The following GPR158 variants were observed in gnomAD, a reference collection of about 807,000 sequenced individuals.
GPR158 encodes G protein-coupled receptor 158.
In GPR158, 30 loss-of-function variants were observed where a neutral mutation model predicts 78.2. The observed-to-expected ratio is 0.38, with a 90% CI of 0.29 to 0.52. The LOEUF is 0.52. Among genes scored for constraint, GPR158 ranks in the 20% least tolerant of loss-of-function variants. The pLI is 0.83. For missense variants in GPR158, 1,463 were observed against 1,523.5 expected, an observed-to-expected ratio of 0.96 and a Z score of 0.66; for synonymous variants, 581 against 591.1, an observed-to-expected ratio of 0.98 and a Z score of 0.25.
intron 1 of GPR158, among the ~76,000 whole-genome samples, chr10:25,210,049 C>T (rs369170674): frequency 6.6e-6 from 1 of 152,088 alleles, no homozygotes; most frequent in African/African-American, 2.4e-5. Flanking sequence ...ACTTAAAAGT[C>T]GTGAAATTAT....
intron 4 of GPR158, among the ~76,000 whole-genome samples, chr10:25,465,272 A>G (rs1835406731): frequency 2.0e-5 from 3 of 152,194 alleles, no homozygotes; most frequent in African/African-American, 4.8e-5. Context: ...ATTTCTGTAT[A>G]CATTTTGTAT....
chr10:25,256,510 T>C (rs1213185760), intron 2 of GPR158, among the ~76,000 whole-genome samples: 1 of 151,774 alleles, frequency 6.6e-6, no homozygotes, highest in African/African-American at 2.4e-5. Context: ...TTTTTTTTAA[T>C]TAGCTGAGTA....
intron 2 of GPR158, among the ~76,000 whole-genome samples, chr10:25,338,508 AC>A (rs1855254437): frequency 7.7e-6 from 1 of 130,380 alleles, no homozygotes; most frequent in Non-Finnish European, 1.7e-5. Context: ...TATATATATT[AC>A]GTATAATATA....
In GPR158 at chr10:25,547,522, G is replaced by A. The variant is rs147505087; in HGVS notation, c.1405-3454G>A. 7.9e-5 allele frequency among the ~76,000 whole-genome samples: 12 copies of A among 152,102 alleles called. No homozygotes were observed. The East Asian group carries it at 1.9e-3, about 24-fold the overall frequency. ...AACACTTAAGCCTGTTCCTCCTTTCGTTCTCGCTCACTTGTCAGCCCTTCC... is the reference window on the plus strand; with the variant it reads ...AACACTTAAGCCTGTTCCTCCTTTCATTCTCGCTCACTTGTCAGCCCTTCC... On this transcript the variant is annotated intron_variant, in intron 5 of 10. Transcript: ENST00000376351.
At chr10:25,537,033 G>A (rs1836511058) in intron 5 of GPR158, among the ~76,000 whole-genome samples, 1 of 152,204 alleles carries the variant, frequency 6.6e-6, no homozygotes, top group Non-Finnish European at 1.5e-5. Context: ...ACCACTTCCA[G>A]GCTAAACTCC....
chr10:25,436,212 A>G (rs1834995825), intron 4 of GPR158, among the ~76,000 whole-genome samples: 1 of 152,232 alleles, frequency 6.6e-6, no homozygotes, highest in South Asian at 2.1e-4. Context: ...AGACATGTGT[A>G]TACTAAAGCA....
intron 1 of GPR158, among the ~76,000 whole-genome samples, chr10:25,201,846 C>T (rs556148471): frequency 1.3e-5 from 2 of 152,038 alleles, no homozygotes; most frequent in African/African-American, 4.8e-5. Context: ...GATAGATGAG[C>T]TTCTTGATAT....
At chr10:25,241,475 C>A (rs958371590) in intron 2 of GPR158, among the ~76,000 whole-genome samples, 1 of 149,952 alleles carries the variant, frequency 6.7e-6, no homozygotes, top group Non-Finnish European at 1.5e-5. Flanking sequence ...GGCTGGAGCA[C>A]AGTGGTGTGA....
chr10:25,406,522 AAGCTGGGAATAGCC>A (rs1237030953), intron 3 of GPR158, among the ~76,000 whole-genome samples: 1 of 152,176 alleles, frequency 6.6e-6, no homozygotes, highest in African/African-American at 2.4e-5. Context: ...TTCAAGCAAA[AAGCTGGGAATAGCC>A]AGCTGGGAAA....
chr10:25,583,119 G>A (rs921741017), intron 7 of GPR158, among the ~76,000 whole-genome samples: 2 of 152,122 alleles, frequency 1.3e-5, no homozygotes, highest in African/African-American at 4.8e-5. Flanking sequence ...ATATCCTATA[G>A]CCCATCCCGG....
At chr10:25,211,457 G>C (rs1853129398) in intron 1 of GPR158, among the ~76,000 whole-genome samples, 1 of 152,176 alleles carries the variant, frequency 6.6e-6, no homozygotes, top group South Asian at 2.1e-4. Context: ...GCCTACTCGT[G>C]CACAGGAAAA....
chr10:25,244,200 C>A (rs1853660016), intron 2 of GPR158: 3 of 152,000 alleles, frequency 2.0e-5, no homozygotes, highest in Non-Finnish European at 4.4e-5. Context: ...AGTAAATTAC[C>A]CCACTTTGCT....
At chr10:25,379,345 T>C (rs1182575780) in intron 2 of GPR158, among the ~76,000 whole-genome samples, 1 of 152,172 alleles carries the variant, frequency 6.6e-6, no homozygotes, top group Non-Finnish European at 1.5e-5. Context: ...CTATCTCTGA[T>C]AAGTAACTTG....
chr10:25,461,225 G>A (rs1452116708), intron 4 of GPR158, among the ~76,000 whole-genome samples: 1 of 152,160 alleles, frequency 6.6e-6, no homozygotes, highest in African/African-American at 2.4e-5. Context: ...TAATAAGAAA[G>A]ACATAGTGGA....
At chr10:25,295,772 G>A (rs944555069) in intron 2 of GPR158, among the ~76,000 whole-genome samples, 24 of 152,178 alleles carry the variant, frequency 1.6e-4, no homozygotes, top group Non-Finnish European at 3.2e-4. Flanking sequence ...TGGTCTACTG[G>A]GATCTTTTTC....
At chr10:25,429,195 G>C (rs1040511224) in intron 4 of GPR158, among the ~76,000 whole-genome samples, 1 of 152,046 alleles carries the variant, frequency 6.6e-6, no homozygotes, top group Non-Finnish European at 1.5e-5. Context: ...AGTTTGAAAA[G>C]TATTGTCACA....
intron 2 of GPR158, among the ~76,000 whole-genome samples, chr10:25,362,625 G>C (rs1855657207): frequency 6.6e-6 from 1 of 151,702 alleles, no homozygotes; most frequent in Non-Finnish European, 1.5e-5. Context: ...ATTTCTTTCA[G>C]CAAAGTTTTG....
rs536020643 is a variant in GPR158 at position 25,215,985 on chromosome 10, A to G, written c.903-5067A>G. Among the ~76,000 whole-genome samples, 4 of 152,310 alleles carry G rather than the reference A, an allele frequency of 2.6e-5. No homozygotes were observed. In the South Asian group the frequency reaches 8.3e-4, roughly 32 times the overall value. ...AGGTGACGGTGCTGTCAAACTTTCT[A>G]CCTACTATATAACAAAAGTCCCTTT... On this transcript the variant is annotated intron_variant, in intron 1 of 10. Transcript: ENST00000376351.
At chr10:25,240,469 A>T (rs905604948) in intron 2 of GPR158, among the ~76,000 whole-genome samples, 1 of 152,210 alleles carries the variant, frequency 6.6e-6, no homozygotes, top group South Asian at 2.1e-4. Flanking sequence ...AGATCGTGCC[A>T]TCCAGCCTGG....
Sources: gnomAD v4.1 joint callset for allele counts (sites outside exome capture counted in the v4.1 genomes callset) on GRCh38, gnomAD v4.1.1 for gene constraint, MANE v1.5 for transcripts, NCBI Gene and HGNC (gene_info 2026-07-23, HGNC 2026-07-21) for gene names.